The following JARID2 variants were observed in gnomAD, a reference collection of about 807,000 sequenced individuals.
JARID2 encodes the protein protein Jumonji.
A neutral mutation model predicts 125.6 loss-of-function variants in JARID2; 21 were observed. That is an observed-to-expected ratio of 0.17 (90% confidence interval 0.12 to 0.24). The LOEUF is 0.24. JARID2 is among the 10% of genes least tolerant of loss of function. The pLI, the probability that JARID2 is intolerant of heterozygous loss-of-function variation, is 1.00. For synonymous variants in JARID2, 736 were observed against 661.6 expected, an observed-to-expected ratio of 1.11 and a Z score of -1.73; for missense variants, 1,303 against 1,639.6, an observed-to-expected ratio of 0.79 and a Z score of 3.55.
intron 4 of JARID2, among the ~76,000 whole-genome samples, chr6:15,462,989 C>T (rs1768524206): frequency 6.6e-6 from 1 of 152,154 alleles, no homozygotes; most frequent in Non-Finnish European, 1.5e-5. Flanking sequence ...GAGACATTGC[C>T]AGCTAATTCT....
intron 1 of JARID2, among the ~76,000 whole-genome samples, chr6:15,253,661 T>G (rs1366458977): frequency 6.6e-6 from 1 of 152,034 alleles, no homozygotes; most frequent in East Asian, 1.9e-4. Flanking sequence ...TGCCACAGAT[T>G]TTACTATTTT....
intron 3 of JARID2, among the ~76,000 whole-genome samples, chr6:15,419,280 C>A (rs1766378287): frequency 6.6e-6 from 1 of 152,042 alleles, no homozygotes; most frequent in South Asian, 2.1e-4. Context: ...TAATTTTCAA[C>A]TTTAGAGTTA....
At chr6:15,417,268 T>A (rs182019906) in intron 3 of JARID2, among the ~76,000 whole-genome samples, 23 of 152,232 alleles carry the variant, frequency 1.5e-4, no homozygotes, top group Admixed American at 1.4e-3. Context: ...TGACTTCTCA[T>A]TATATCTTGA....
chr6:15,315,675 G>T (rs145063664), intron 1 of JARID2, among the ~76,000 whole-genome samples: 14 of 152,194 alleles, frequency 9.2e-5, no homozygotes, highest in Admixed American at 2.6e-4. Flanking sequence ...AGAAGTTGTG[G>T]TTGTCCGGAA....
In JARID2 at chr6:15,509,283, C is replaced by T. The variant is rs74824354; in HGVS notation, c.2846+829C>T. The stretch of plus-strand genomic sequence containing the variant: ...GATGTCTTGTCGTCTGATCGTTTAC[C>T]GGCATGCTGTTCATGCCATGCTGAC... On this transcript the variant is annotated intron_variant, in intron 12 of 17. Coordinates refer to ENST00000341776, the MANE Select transcript of JARID2 (RefSeq NM_004973.4). 2.3e-3 allele frequency: 2,296 copies of T among 985,004 alleles called. 58 individuals are homozygous for T. In the African/African-American group the frequency reaches 0.036, roughly 16 times the overall value. The allele number at this position is 985,004 out of a possible 1,614,324, so 61.0% of individuals were successfully genotyped here.
At chr6:15,311,017 G>T (rs936230712) in intron 1 of JARID2, among the ~76,000 whole-genome samples, 1 of 152,170 alleles carries the variant, frequency 6.6e-6, no homozygotes, top group African/African-American at 2.4e-5. Context: ...CATCCTTTGG[G>T]ATGCGGGTAT....
At chr6:15,348,572 T>C (rs894115341) in intron 1 of JARID2, among the ~76,000 whole-genome samples, 3 of 152,248 alleles carry the variant, frequency 2.0e-5, no homozygotes, top group African/African-American at 4.8e-5. Context: ...AATTTTTTTT[T>C]CTAGAAGTTA....
chr6:15,329,634 T>G (rs1762641249), intron 1 of JARID2, among the ~76,000 whole-genome samples: 1 of 152,206 alleles, frequency 6.6e-6, no homozygotes, highest in Non-Finnish European at 1.5e-5. Flanking sequence ...CTGTCTAGTC[T>G]GTGAAGGTCA....
At chr6:15,486,838 G>A (rs969475760) in intron 5 of JARID2, among the ~76,000 whole-genome samples, 3 of 102,696 alleles carry the variant, frequency 2.9e-5, no homozygotes, top group Non-Finnish European at 5.3e-5. Context: ...ACAGAGTCTC[G>A]CTCTGACATT....
At chr6:15,326,590 C>G (rs1225665012) in intron 1 of JARID2, among the ~76,000 whole-genome samples, 2 of 152,180 alleles carry the variant, frequency 1.3e-5, no homozygotes, top group African/African-American at 4.8e-5. Flanking sequence ...CGACCTCCAC[C>G]TCCCAGACTC....
intron 6 of JARID2, among the ~76,000 whole-genome samples, chr6:15,494,126 G>A (rs1314641304): frequency 6.6e-6 from 1 of 152,108 alleles, no homozygotes; most frequent in Non-Finnish European, 1.5e-5. Context: ...AAGAATTTGT[G>A]GCTTTGATTG....
chr6:15,436,755 C>A (rs892315044), intron 3 of JARID2, among the ~76,000 whole-genome samples: 14 of 152,072 alleles, frequency 9.2e-5, no homozygotes, highest in Admixed American at 4.6e-4. Context: ...AGAAAAATCC[C>A]AGCAATCTTT....
intron 1 of JARID2, among the ~76,000 whole-genome samples, chr6:15,258,743 C>G (rs1321720414): frequency 3.3e-5 from 5 of 152,210 alleles, no homozygotes; most frequent in African/African-American, 1.2e-4. Flanking sequence ...GATTGCGCCA[C>G]TGCACTCCAG....
intron 3 of JARID2, among the ~76,000 whole-genome samples, chr6:15,435,762 A>G (rs1767173364): frequency 1.3e-5 from 2 of 152,102 alleles, no homozygotes; most frequent in Non-Finnish European, 2.9e-5. Context: ...GAAATCGAGT[A>G]GATTAATAGT....
At chr6:15,487,606 G>GC (rs1581633118) in intron 6 of JARID2, 64 bp downstream of exon 6, 1 of 1,371,026 alleles carries the variant, frequency 7.3e-7, no homozygotes, top group Non-Finnish European at 9.9e-7. Flanking sequence ...ACTTCACCAA[G>GC]CTAAAAATTC....
At chr6:15,337,657 T>C (rs1313573879) in intron 1 of JARID2, among the ~76,000 whole-genome samples, 1 of 152,124 alleles carries the variant, frequency 6.6e-6, no homozygotes, top group Non-Finnish European at 1.5e-5. Context: ...GCAAGGGGCT[T>C]TCTCCCCCCA....
intron 1 of JARID2, among the ~76,000 whole-genome samples, chr6:15,330,630 T>C (rs1486484106): frequency 1.3e-5 from 2 of 152,026 alleles, no homozygotes; most frequent in African/African-American, 4.8e-5. Flanking sequence ...AAGCATAGAG[T>C]GTAAATTAGG....
intron 1 of JARID2, among the ~76,000 whole-genome samples, chr6:15,292,815 C>T (rs527407024): frequency 2.6e-5 from 4 of 152,252 alleles, no homozygotes; most frequent in Non-Finnish European, 4.4e-5. Context: ...CATTGGTGTG[C>T]GCCACCATTC....
chr6:15,434,198 A>G (rs1236597380), intron 3 of JARID2, among the ~76,000 whole-genome samples: 1 of 151,802 alleles, frequency 6.6e-6, no homozygotes, highest in African/African-American at 2.4e-5. Context: ...AGAATGAGAG[A>G]TGACATTAAA....
Sources: allele counts gnomAD v4.1 joint callset (sites outside exome capture counted in the v4.1 genomes callset), GRCh38; gene constraint gnomAD v4.1.1; transcripts MANE v1.5; gene names NCBI Gene and HGNC (gene_info 2026-07-23, HGNC 2026-07-21).